The following MIA2 variants were observed in gnomAD, a reference collection of about 807,000 sequenced individuals.
MIA2 encodes melanoma inhibitory activity protein 2.
In MIA2, 127 loss-of-function variants were observed where a neutral mutation model predicts 167.8. That is an observed-to-expected ratio of 0.76 (90% CI 0.66 to 0.88). The LOEUF is 0.88. MIA2 is among the 40% of genes least tolerant of loss of function. The pLI is 0.00. For synonymous variants in MIA2, 552 were observed against 541.9 expected (o/e 1.02, Z -0.26); for missense variants, 1,690 against 1,624.7 (o/e 1.04, Z -0.69).
At chr14:39,341,256 C>T (rs984044260) in intron 25 of MIA2, among the ~76,000 whole-genome samples, 11 of 151,764 alleles carry the variant, frequency 7.2e-5, no homozygotes, top group South Asian at 2.1e-4. Flanking sequence ...GAGCTGAGAC[C>T]GCACCGTTGC....
intron 9 of MIA2, among the ~76,000 whole-genome samples, chr14:39,288,470 T>TTTTTG (rs1566748607): frequency 4.8e-5 from 2 of 41,658 alleles, no homozygotes; most frequent in African/African-American, 1.5e-4. Flanking sequence ...TATATATATA[T>TTTTTG]ATATATTTTT....
intron 17 of MIA2, among the ~76,000 whole-genome samples, chr14:39,306,141 A>T (rs1009836638): frequency 1.3e-5 from 2 of 151,914 alleles, no homozygotes; most frequent in Non-Finnish European, 2.9e-5. Context: ...ATTTCTGTGG[A>T]AAGATAGTTA....
chr14:39,346,182 A>G (rs992316128), intron 26 of MIA2, among the ~76,000 whole-genome samples, 156 bp downstream of exon 26: 3 of 152,184 alleles, frequency 2.0e-5, no homozygotes, highest in African/African-American at 4.8e-5. Context: ...TTCTTGTTAT[A>G]TTGTACACAG....
chr14:39,334,269 G>A (rs764247649), intron 25 of MIA2, among the ~76,000 whole-genome samples: 3 of 152,118 alleles, frequency 2.0e-5, no homozygotes, highest in Non-Finnish European at 4.4e-5. Flanking sequence ...GAGGCCAGGA[G>A]TTCAAGACCA....
At chr14:39,290,990 T>G in intron 9 of MIA2, 29 bp from the exon 10 acceptor site, 2 of 1,576,862 alleles carry the variant, frequency 1.3e-6, no homozygotes, top group African/African-American at 2.7e-5. Flanking sequence ...ATTGGTAGAG[T>G]TTTTACTTGT....
chr14:39,325,255 C>G (rs560571203), intron 24 of MIA2, among the ~76,000 whole-genome samples: 3 of 151,812 alleles, frequency 2.0e-5, no homozygotes, highest in East Asian at 1.9e-4. Context: ...TAAAGCTGTT[C>G]CTTGAGAATA....
chr14:39,234,333 G>T, intron 1 of MIA2, 104 bp downstream of exon 1: 2 of 627,398 alleles, frequency 3.2e-6, no homozygotes, highest in Non-Finnish European at 5.3e-6. Context: ...TGATACCATT[G>T]AGAAATATTT....
chr14:39,235,455 T>G (rs1420395058), intron 1 of MIA2, among the ~76,000 whole-genome samples: 2 of 152,192 alleles, frequency 1.3e-5, no homozygotes, highest in Admixed American at 1.3e-4. Context: ...ATGTAATATA[T>G]AGAGAAGTTT....
intron 9 of MIA2, among the ~76,000 whole-genome samples, chr14:39,285,635 G>A (rs1445731501): frequency 2.0e-5 from 3 of 146,642 alleles, no homozygotes; most frequent in African/African-American, 5.2e-5. Flanking sequence ...CCTCCCTCCC[G>A]GATGGGGTGG....
At position 39,377,347 on chromosome 14, in the gene MIA2, A is replaced by G. The variant is rs139114977; in HGVS notation, c.2249-9538A>G. 1.4e-4 allele frequency among the ~76,000 whole-genome samples: 22 copies of G among 152,254 alleles called. No individual in the cohort carries two copies. In the East Asian group the frequency reaches 2.9e-3, roughly 20 times the overall value. On this transcript the variant is annotated intron_variant, in intron 23 of 23. Transcript: ENST00000341502. Reference sequence around the variant, plus strand: ...GGTTTATGTATATAAATAGGTTGCTATTGTTTTCTTCTGAAGTTTAAGTTG... The same window carrying G: ...GGTTTATGTATATAAATAGGTTGCTGTTGTTTTCTTCTGAAGTTTAAGTTG...
At chr14:39,384,846 C>T (rs1361641480) in intron 23 of MIA2, among the ~76,000 whole-genome samples, 2 of 152,154 alleles carry the variant, frequency 1.3e-5, no homozygotes, top group Non-Finnish European at 2.9e-5. Flanking sequence ...CCTGAGAATC[C>T]TTAATTTTAA....
chr14:39,352,822 A>G (rs1340267463), downstream of MIA2, among the ~76,000 whole-genome samples: 1 of 152,192 alleles, frequency 6.6e-6, no homozygotes, highest in African/African-American at 2.4e-5. Flanking sequence ...TAGAATCACT[A>G]AGTTGAGCTA....
intron 28 of MIA2, 104 bp from the exon 29 acceptor site, chr14:39,349,994 C>G: frequency 2.0e-6 from 1 of 501,026 alleles, no homozygotes. Flanking sequence ...TGTCAATTTT[C>G]AAATAAAAGA....
chr14:39,352,199 C>CTTT (rs11392444), downstream of MIA2, among the ~76,000 whole-genome samples: 24 of 133,060 alleles, frequency 1.8e-4, no homozygotes, highest in South Asian at 7.1e-4. Context: ...TTGTTTTTGG[C>CTTT]TTTTTTTTTT....
At chr14:39,323,707 A>G (rs1334716679) in intron 24 of MIA2, among the ~76,000 whole-genome samples, 1 of 152,190 alleles carries the variant, frequency 6.6e-6, no homozygotes, top group African/African-American at 2.4e-5. Flanking sequence ...CCCTAGAAAT[A>G]AGGGTATAAT....
intron 23 of MIA2, among the ~76,000 whole-genome samples, chr14:39,361,700 A>G (rs894303223): frequency 6.6e-6 from 1 of 152,052 alleles, no homozygotes; most frequent in African/African-American, 2.4e-5. Flanking sequence ...TTGGCCTCCT[A>G]AACTGCTGGG....
chr14:39,304,558 A>G (rs1000906716), intron 17 of MIA2, among the ~76,000 whole-genome samples, 177 bp downstream of exon 17: 1 of 152,130 alleles, frequency 6.6e-6, no homozygotes, highest in Non-Finnish European at 1.5e-5. Flanking sequence ...CATTGTTGCT[A>G]AAGGCATATC....
chr14:39,364,560 C>T (rs1344528695), intron 23 of MIA2, among the ~76,000 whole-genome samples: 1 of 151,134 alleles, frequency 6.6e-6, no homozygotes, highest in Non-Finnish European at 1.5e-5. Flanking sequence ...TTTGTCCTTT[C>T]CCTTCCATTT....
At chr14:39,272,702 G>A (rs1410618166) in intron 6 of MIA2, among the ~76,000 whole-genome samples, 1 of 152,198 alleles carries the variant, frequency 6.6e-6, no homozygotes, top group African/African-American at 2.4e-5. Flanking sequence ...GGGCAAGGCT[G>A]CAGTGAGCCA....
Sources: allele counts gnomAD v4.1 joint callset (sites outside exome capture counted in the v4.1 genomes callset), GRCh38; gene constraint gnomAD v4.1.1; transcripts MANE v1.5; gene names NCBI Gene and HGNC (gene_info 2026-07-23, HGNC 2026-07-21).